The following TCERG1L variants were observed in gnomAD, a reference collection of about 807,000 sequenced individuals.
TCERG1L encodes the protein transcription elongation regulator 1 like.
Under a neutral mutation model 56.3 loss-of-function variants are expected in TCERG1L, and 37 were observed. The observed-to-expected ratio is 0.66, with a 90% CI of 0.51 to 0.87. The LOEUF (loss-of-function observed/expected upper bound fraction) is 0.87, where lower values mean the gene tolerates loss of function less well. Among genes scored for constraint, TCERG1L ranks in the 40% least tolerant of loss-of-function variants. TCERG1L has a pLI of 0.00. For missense variants in TCERG1L, 799 were observed against 774.2 expected (o/e 1.03, Z -0.38); for synonymous variants, 324 against 326.3 (o/e 0.99, Z 0.08).
chr10:131,178,164 C>G lies in TCERG1L; in HGVS notation c.857-11279G>C, dbSNP rs1054995029. 3.9e-5 allele frequency among the ~76,000 whole-genome samples: 6 copies of G among 152,254 alleles called. No homozygotes were observed. The East Asian group carries it at 1.2e-3, about 29-fold the overall frequency. On this transcript the variant is annotated intron_variant, in intron 4 of 11. Transcript: ENST00000368642. ...GCTGAGCGCTCTGCAGGAGGCACCA[C>G]GTGAGGCCCTGAGCCTTTGCCCGGG...
At chr10:131,169,938 T>C (rs1338921380) in intron 4 of TCERG1L, among the ~76,000 whole-genome samples, 1 of 121,658 alleles carries the variant, frequency 8.2e-6, no homozygotes, top group East Asian at 2.0e-4. Context: ...ACAGTTGATC[T>C]TGTAAAAAAT....
intron 3 of TCERG1L, among the ~76,000 whole-genome samples, chr10:131,283,956 C>T (rs1309706533): frequency 6.6e-6 from 1 of 151,844 alleles, no homozygotes; most frequent in African/African-American, 2.4e-5. Flanking sequence ...AACCCTGTCT[C>T]TACTAAAAAT....
At chr10:131,127,522 G>T (rs2133398493) in intron 8 of TCERG1L, among the ~76,000 whole-genome samples, 1 of 152,278 alleles carries the variant, frequency 6.6e-6, no homozygotes, top group African/African-American at 2.4e-5. Flanking sequence ...GCAGGGCCTG[G>T]GAGTATCTCA....
chr10:131,204,867 T>C (rs115228342), intron 4 of TCERG1L, among the ~76,000 whole-genome samples: 1 of 152,192 alleles, frequency 6.6e-6, no homozygotes, highest in Non-Finnish European at 1.5e-5. Context: ...GGATCCTTGA[T>C]GGAGGTTCAC....
At chr10:131,224,457 C>G (rs562044445) in intron 4 of TCERG1L, among the ~76,000 whole-genome samples, 2 of 152,328 alleles carry the variant, frequency 1.3e-5, no homozygotes, top group South Asian at 4.1e-4. Flanking sequence ...TTCCCTTCCC[C>G]TAGGCTCTAG....
At chr10:131,244,366 G>A (rs974279252) in intron 4 of TCERG1L, among the ~76,000 whole-genome samples, 1 of 152,196 alleles carries the variant, frequency 6.6e-6, no homozygotes, top group East Asian at 1.9e-4. Context: ...GGTTCAAGGA[G>A]TTCATCCAGG....
In TCERG1L at chr10:131,098,310, G is replaced by T; in HGVS notation, c.1600C>A (p.Pro534Thr). The T allele has an allele frequency of 6.4e-7, 1 of 1,551,548 alleles. No homozygotes were observed. Reference protein sequence around the residue: ...KKLLEESKVSPRTTFKEFAEK... With the variant: ...KKLLEESKVSTRTTFKEFAEK... ...GGTATATTTCTCTCTCCATACCTGG[G>T]AGACACTTTAGATTCCTCTAGAAGT... Residue 534 changes from proline (P) to threonine (T), a missense_variant, in exon 11 of 12, where the codon CCC becomes ACC. By Grantham distance (38) the Pro-to-Thr change is conservative (BLOSUM62 -1). Coordinates refer to ENST00000368642, the MANE Select transcript of TCERG1L (RefSeq NM_174937.4).
intron 3 of TCERG1L, among the ~76,000 whole-genome samples, chr10:131,285,632 G>A (rs934323937): frequency 6.6e-6 from 1 of 152,136 alleles, no homozygotes; most frequent in African/African-American, 2.4e-5. Flanking sequence ...GACTAAAGAC[G>A]CTAAACGCTG....
At chr10:131,174,677 T>C (rs937643343) in intron 4 of TCERG1L, among the ~76,000 whole-genome samples, 6 of 152,190 alleles carry the variant, frequency 3.9e-5, no homozygotes, top group African/African-American at 1.4e-4. Flanking sequence ...GATTTCAGAG[T>C]TGACAAGCTG....
rs74668640 is a variant in TCERG1L, at chr10:131,141,744, G to A, written c.1189+4762C>T. Among the ~76,000 whole-genome samples, 1,224 of 152,004 alleles carry A rather than the reference G, an allele frequency of 8.1e-3. 13 individuals carry two copies. Among genetic ancestry groups the A allele is most frequent in the African/African-American group, 0.026 (1,096 of 41,450 alleles). On this transcript the variant is annotated intron_variant, in intron 7 of 11. Transcript: ENST00000368642. ...GTGGCTTGATGTCTTAGGTCCTGGC[G>A]GAAACTACTCCGAAAAACGCTATTC...
intron 4 of TCERG1L, among the ~76,000 whole-genome samples, chr10:131,220,592 C>T (rs1030506575): frequency 6.7e-6 from 1 of 148,694 alleles, no homozygotes; most frequent in Non-Finnish European, 1.5e-5. Flanking sequence ...ATGGAGACCC[C>T]ATGGGAGCCA....
At chr10:131,166,938 A>AC in intron 4 of TCERG1L, 53 bp from the exon 5 acceptor site, 2 of 1,534,126 alleles carry the variant, frequency 1.3e-6, no homozygotes, top group Non-Finnish European at 1.8e-6. Flanking sequence ...AGTAGTTTGG[A>AC]AAACCTAAGC....
intron 4 of TCERG1L, among the ~76,000 whole-genome samples, chr10:131,190,431 T>TCCCC (rs1482259876): frequency 2.9e-5 from 3 of 103,590 alleles, no homozygotes; most frequent in Non-Finnish European, 4.3e-5. Flanking sequence ...ATGAAGCTAG[T>TCCCC]ATCACCCTTT....
chr10:131,261,015 G>C (rs1846233053), intron 3 of TCERG1L, among the ~76,000 whole-genome samples: 1 of 152,114 alleles, frequency 6.6e-6, no homozygotes, highest in Non-Finnish European at 1.5e-5. Context: ...CAGGTTTCCA[G>C]AGGGCACCAG....
chr10:131,247,383 G>T (rs11017838), intron 4 of TCERG1L, among the ~76,000 whole-genome samples: 53,307 of 152,000 alleles, frequency 0.35, 9,551 homozygotes, highest in South Asian at 0.48. Flanking sequence ...TCTGAAACAC[G>T]CATATGTAGA....
chr10:131,096,037 C>A (rs1845241458), intron 11 of TCERG1L, among the ~76,000 whole-genome samples: 1 of 152,226 alleles, frequency 6.6e-6, no homozygotes, highest in African/African-American at 2.4e-5. Flanking sequence ...GTAATGACAG[C>A]TACCACTTTC....
intron 4 of TCERG1L, among the ~76,000 whole-genome samples, chr10:131,226,283 C>T (rs923574709): frequency 3.3e-5 from 5 of 152,162 alleles, no homozygotes; most frequent in East Asian, 3.8e-4. Context: ...CACTAGGTTG[C>T]CCAGGCTGGT....
chr10:131,093,114 C>A lies in TCERG1L; in HGVS notation c.*48G>T, dbSNP rs200076007. The A allele has an allele frequency of 6.3e-7, 1 of 1,590,600 alleles. No individual in the cohort carries two copies. The highest frequency in any genetic ancestry group is 8.6e-7 in the Non-Finnish European group (1 of 1,168,044). On this transcript the variant is annotated 3_prime_UTR_variant, in exon 12 of 12. Coordinates refer to ENST00000368642, the MANE Select transcript of TCERG1L (RefSeq NM_174937.4). ...GTCTCCACCGTGACCCCCTCGCCCC[C>A]GGCACGCCCAGGGTCAACCCCCGGG...
intron 3 of TCERG1L, among the ~76,000 whole-genome samples, chr10:131,302,433 A>T (rs976707599): frequency 1.3e-5 from 2 of 150,400 alleles, no homozygotes; most frequent in Non-Finnish European, 2.9e-5. Flanking sequence ...TTCCAACCTG[A>T]CTCTGGTATA....
Sources: gnomAD v4.1 joint callset for allele counts (sites outside exome capture counted in the v4.1 genomes callset) on GRCh38, gnomAD v4.1.1 for gene constraint, MANE v1.5 for transcripts, NCBI Gene and HGNC (gene_info 2026-07-23, HGNC 2026-07-21) for gene names.